The following BMPER variants were observed in gnomAD, a reference collection of about 807,000 sequenced individuals.
BMPER encodes BMP-binding endothelial regulator protein.
BMPER carries 45 observed loss-of-function variants against 87.3 expected under a neutral mutation model. That is an observed-to-expected ratio of 0.52 (90% CI 0.41 to 0.66). The LOEUF is 0.66. BMPER is among the 30% of genes least tolerant of loss of function. The probability of loss-of-function intolerance (pLI) is 0.00; values close to 1 mark genes in which losing one functional copy is unlikely to be tolerated. For synonymous variants in BMPER, 326 were observed against 316.2 expected, an observed-to-expected ratio of 1.03 and a Z score of -0.33; for missense variants, 784 against 867.5, an observed-to-expected ratio of 0.90 and a Z score of 1.21.
chr7:33,923,332 T>C (rs1784280963), intron 2 of BMPER, among the ~76,000 whole-genome samples: 1 of 152,186 alleles, frequency 6.6e-6, no homozygotes, highest in African/African-American at 2.4e-5. Context: ...CACACACCCG[T>C]CTGTAATACT....
At chr7:33,945,089 C>T (rs183044076) in intron 3 of BMPER, among the ~76,000 whole-genome samples, 95 of 152,092 alleles carry the variant, frequency 6.2e-4, no homozygotes, top group African/African-American at 2.2e-3. Context: ...CTACAGGCGC[C>T]TGCCAACACG....
chr7:33,960,129 C>T (rs1200393616), intron 3 of BMPER, among the ~76,000 whole-genome samples: 1 of 152,154 alleles, frequency 6.6e-6, no homozygotes, highest in African/African-American at 2.4e-5. Context: ...TGAGGGAGCA[C>T]ACGCTACTAT....
chr7:34,146,454 C>G (rs946737482), intron 14 of BMPER, among the ~76,000 whole-genome samples: 4 of 152,096 alleles, frequency 2.6e-5, no homozygotes, highest in Admixed American at 6.5e-5. Flanking sequence ...ATGGGAATTA[C>G]TAAATAAAAT....
At chr7:34,068,536 A>G (rs1386226512) in intron 11 of BMPER, among the ~76,000 whole-genome samples, 1 of 151,730 alleles carries the variant, frequency 6.6e-6, no homozygotes, top group Non-Finnish European at 1.5e-5. Context: ...GCTCAAGTAC[A>G]GAGAAGTGGT....
At chr7:34,069,535 G>A (rs986444349) in intron 11 of BMPER, among the ~76,000 whole-genome samples, 1 of 152,120 alleles carries the variant, frequency 6.6e-6, no homozygotes, top group African/African-American at 2.4e-5. Context: ...TAGCCTGAGG[G>A]TGAAAGAAAT....
intron 6 of BMPER, among the ~76,000 whole-genome samples, chr7:33,998,234 C>A (rs1428533589): frequency 1.3e-5 from 2 of 152,196 alleles, no homozygotes; most frequent in African/African-American, 4.8e-5. Flanking sequence ...TGGGAAAGTC[C>A]TGAATTCCAT....
rs371019320 is a variant in BMPER at position 34,038,092 on chromosome 7, C to T, written c.577-8214C>T. 4.4e-4 allele frequency among the ~76,000 whole-genome samples: 67 copies of T among 152,256 alleles called. No individual in the cohort carries two copies. The South Asian group carries it at 0.014, about 31-fold the overall frequency. ...CCCCTGGCCCCAAGATGTCCATGTC[C>T]TAATCTCCAAAACCTGTGAAGGTGA... On this transcript the variant is annotated intron_variant, in intron 6 of 14. Transcript: ENST00000649409.
At chr7:33,992,035 C>T (rs1307994149) in intron 6 of BMPER, among the ~76,000 whole-genome samples, 1 of 151,246 alleles carries the variant, frequency 6.6e-6, no homozygotes, top group African/African-American at 2.4e-5. Flanking sequence ...CTTTACTTCC[C>T]AGTATGTGGT....
intron 13 of BMPER, among the ~76,000 whole-genome samples, chr7:34,141,863 G>C (rs1367430547): frequency 6.6e-6 from 1 of 152,092 alleles, no homozygotes; most frequent in Non-Finnish European, 1.5e-5. Flanking sequence ...GTTGCTCCTT[G>C]AATCTGTTTT....
chr7:34,022,705 CAAA>C (rs74837974), intron 6 of BMPER, among the ~76,000 whole-genome samples: 5 of 59,640 alleles, frequency 8.4e-5, no homozygotes, highest in Non-Finnish European at 1.2e-4. Flanking sequence ...TAAGGTTTGC[CAAA>C]AAAAAAAAAA....
In BMPER at chr7:33,921,937, C is replaced by T. The variant is rs548988662; in HGVS notation, c.219+15034C>T. ...CCACTTCACCCCAACCCCTTCGACTCCTCAAAACCTCTGCAAGAAGCTATT... is the reference window on the plus strand; with the variant it reads ...CCACTTCACCCCAACCCCTTCGACTTCTCAAAACCTCTGCAAGAAGCTATT... On this transcript the variant is annotated intron_variant, in intron 2 of 14. Coordinates refer to ENST00000649409, the MANE Select transcript of BMPER (RefSeq NM_001365308.1). 475 of 440,246 alleles carry T rather than the reference C, an allele frequency of 1.1e-3. 1 individual carries two copies. The highest frequency in any genetic ancestry group is 7.0e-3 in the Middle Eastern group (13 of 1,850). The allele number at this position is 440,246 out of a possible 1,614,324, so 27.3% of individuals were successfully genotyped here.
chr7:34,103,068 G>A (rs1208957654), intron 13 of BMPER, among the ~76,000 whole-genome samples: 3 of 152,160 alleles, frequency 2.0e-5, no homozygotes, highest in Non-Finnish European at 4.4e-5. Context: ...ACTGTATCTG[G>A]CACTGAAGGA....
intron 6 of BMPER, among the ~76,000 whole-genome samples, chr7:34,014,189 G>T (rs779412462): frequency 6.6e-6 from 1 of 151,854 alleles, no homozygotes; most frequent in Admixed American, 6.6e-5. Flanking sequence ...TACAAAAAAG[G>T]CACATTGTGG....
At chr7:34,056,773 A>G (rs1562714862) in intron 9 of BMPER, among the ~76,000 whole-genome samples, 1 of 152,154 alleles carries the variant, frequency 6.6e-6, no homozygotes, top group Non-Finnish European at 1.5e-5. Context: ...GCATGCCACC[A>G]TGCCTGGCTA....
chr7:33,920,418 G>GTAT (rs879327540), intron 2 of BMPER, among the ~76,000 whole-genome samples: 2 of 99,940 alleles, frequency 2.0e-5, no homozygotes, highest in Non-Finnish European at 3.8e-5. Context: ...AAACTCCGTT[G>GTAT]TGTTTTTTTT....
At chr7:33,975,665 T>C (rs1313183412) in intron 6 of BMPER, among the ~76,000 whole-genome samples, 1 of 152,178 alleles carries the variant, frequency 6.6e-6, no homozygotes, top group Non-Finnish European at 1.5e-5. Flanking sequence ...GCTTTTAATC[T>C]GTTATAATAA....
chr7:33,963,856 G>GA (rs1431888910), intron 3 of BMPER, among the ~76,000 whole-genome samples: 6 of 152,090 alleles, frequency 3.9e-5, no homozygotes, highest in African/African-American at 1.4e-4. Context: ...GGGAGTTTGG[G>GA]AAGCAATGCC....
intron 6 of BMPER, among the ~76,000 whole-genome samples, chr7:33,988,759 TC>T (rs751591353): frequency 0.04 from 3,439 of 86,056 alleles, 76 homozygotes; most frequent in Non-Finnish European, 0.054. Context: ...ATGCTATCCC[TC>T]CCCCCTCCCC....
chr7:34,023,065 A>G (rs1787240776), intron 6 of BMPER, among the ~76,000 whole-genome samples: 2 of 152,068 alleles, frequency 1.3e-5, no homozygotes, highest in Non-Finnish European at 2.9e-5. Context: ...TACTCGAGAA[A>G]CATCTTCTCA....
Sources: allele counts gnomAD v4.1 joint callset (sites outside exome capture counted in the v4.1 genomes callset), GRCh38; gene constraint gnomAD v4.1.1; transcripts MANE v1.5; gene names NCBI Gene and HGNC (gene_info 2026-07-23, HGNC 2026-07-21).